Variants in SLC25A16 observed in about 807,000 individuals in gnomAD.
The protein encoded by SLC25A16 is solute carrier family 25 member 16, also known as mitochondrial coenzyme A transporter SLC25A16.
A neutral mutation model predicts 41.5 loss-of-function variants in SLC25A16; 39 were observed. The ratio of observed to expected loss-of-function variants is 0.94; its 90% CI spans 0.73 to 1.23. The LOEUF is 1.23. Among genes scored for constraint, SLC25A16 ranks in the 50% most tolerant of loss-of-function variants. The pLI is 0.00. For missense variants in SLC25A16, 421 were observed against 426.9 expected, an observed-to-expected ratio of 0.99 and a Z score of 0.12; for synonymous variants, 146 against 147.8, an observed-to-expected ratio of 0.99 and a Z score of 0.09.
chr10:68,497,159 T>C (rs966845363), intron 4 of SLC25A16, among the ~76,000 whole-genome samples: 1 of 152,196 alleles, frequency 6.6e-6, no homozygotes, highest in Non-Finnish European at 1.5e-5. Context: ...AAAGACAGCT[T>C]CTCACCACCC....
intron 1 of SLC25A16, among the ~76,000 whole-genome samples, chr10:68,524,280 A>C (rs2133607369): frequency 7.8e-6 from 1 of 127,892 alleles, no homozygotes; most frequent in South Asian, 2.6e-4. Context: ...ACGCCACTGC[A>C]CTCCAGCCTG....
chr10:68,510,318 G>C (rs141426399), intron 2 of SLC25A16, among the ~76,000 whole-genome samples: 2,985 of 151,430 alleles, frequency 0.02, 90 homozygotes, highest in African/African-American at 0.069. Flanking sequence ...GATCACCTGA[G>C]GTCAGGAGTT....
intron 6 of SLC25A16, among the ~76,000 whole-genome samples, chr10:68,491,128 C>A (rs188969605): frequency 5.8e-4 from 88 of 152,292 alleles, no homozygotes; most frequent in Non-Finnish European, 9.9e-4. Flanking sequence ...ATCCTCCTGC[C>A]TCAGCCTCCC....
In SLC25A16 at chr10:68,482,506, A is replaced by G. The variant is rs1401380927; in HGVS notation, c.*926T>C. The G allele has an allele frequency of 6.6e-6, 1 of 152,620 alleles. No individual in the cohort carries two copies. The highest frequency in any genetic ancestry group is 2.4e-5 in the African/African-American group (1 of 41,446). The allele number at this position is 152,620 out of a possible 1,614,324, so 9.5% of individuals were successfully genotyped here. A position where few individuals can be genotyped will look rare whatever the true frequency, so the allele number is the denominator to read the frequency against. ...AACATTTTTTGATATTCACATCTAT[A>G]TTAATAAATATTTCACAGTCTACTT... is the stretch of plus-strand genomic sequence containing the variant. On this transcript the variant is annotated 3_prime_UTR_variant, in exon 9 of 9. Transcript: ENST00000609923.
intron 3 of SLC25A16, among the ~76,000 whole-genome samples, chr10:68,504,829 C>T (rs957967580): frequency 6.6e-6 from 1 of 152,048 alleles, no homozygotes; most frequent in Non-Finnish European, 1.5e-5. Flanking sequence ...TATAGGCATG[C>T]GCCACCACAT....
intron 1 of SLC25A16, among the ~76,000 whole-genome samples, chr10:68,523,112 C>A (rs770322579): frequency 6.6e-6 from 1 of 152,174 alleles, no homozygotes; most frequent in Non-Finnish European, 1.5e-5. Context: ...CCCCCTTTCA[C>A]GGAATCTGGC....
chr10:68,496,028 A>G (rs534951959), intron 4 of SLC25A16, among the ~76,000 whole-genome samples: 1 of 152,234 alleles, frequency 6.6e-6, no homozygotes, highest in Non-Finnish European at 1.5e-5. Flanking sequence ...AAGGTTATAT[A>G]TGTGTTAGCT....
At position 68,480,907 on chromosome 10, in the gene SLC25A16, T is replaced by G. The variant is rs916057507; in HGVS notation, c.*2525A>C. The G allele has an allele frequency of 7.0e-6, 1 of 142,924 alleles. No homozygotes were observed. The highest frequency in any genetic ancestry group is 2.8e-5 in the African/African-American group (1 of 36,164). 8.9% of individuals were successfully genotyped at this position (142,924 alleles called of 1,614,324 possible). On this transcript the variant is annotated 3_prime_UTR_variant, in exon 9 of 9. Coordinates refer to ENST00000609923, the MANE Select transcript of SLC25A16 (RefSeq NM_152707.4). ...TGGTTTTAAGAACACATGTATTTCT[T>G]TTTTTTTTCTTTTATACAGTCTCTG...
chr10:68,515,151 G>GT (rs1024345563), intron 2 of SLC25A16, among the ~76,000 whole-genome samples: 1 of 150,482 alleles, frequency 6.6e-6, no homozygotes, highest in African/African-American at 2.4e-5. Flanking sequence ...GAGGTCGGGA[G>GT]TTCGAGATCA....
Position 68,485,715 on chromosome 10 carries a change from C to T in SLC25A16, c.842+1429G>A, listed in dbSNP as rs185579827. Reference sequence around the variant, plus strand: ...TTTTTTTCAGAGTCTCACTCTGTCACCTAGGCTGGAGTACAGTGGCGCCAT... The same window carrying T: ...TTTTTTTCAGAGTCTCACTCTGTCATCTAGGCTGGAGTACAGTGGCGCCAT... On this transcript the variant is annotated intron_variant, in intron 8 of 8. Coordinates refer to ENST00000609923, the MANE Select transcript of SLC25A16 (RefSeq NM_152707.4). 3.9e-3 allele frequency among the ~76,000 whole-genome samples: 588 copies of T among 151,854 alleles called. 8 individuals carry two copies. The highest frequency in any genetic ancestry group is 0.014 in the African/African-American group (567 of 41,448).
At chr10:68,488,749 G>T in intron 6 of SLC25A16, 120 bp from the exon 7 acceptor site, 2 of 810,978 alleles carry the variant, frequency 2.5e-6, no homozygotes, top group Non-Finnish European at 3.8e-6. Context: ...ATTTAAAATA[G>T]AAAGATTTGT....
intron 7 of SLC25A16, 33 bp from the exon 8 acceptor site, chr10:68,487,245 ATT>A: frequency 6.3e-7 from 1 of 1,596,120 alleles, no homozygotes. Flanking sequence ...AGAATTAAAA[ATT>A]TTTGGTTTTC....
chr10:68,499,902 A>G, intron 4 of SLC25A16: 1 of 584,230 alleles, frequency 1.7e-6, no homozygotes, highest in East Asian at 4.0e-5. Flanking sequence ...AGAAAGCCAA[A>G]TCTCGCCAAG....
intron 2 of SLC25A16, among the ~76,000 whole-genome samples, chr10:68,512,259 T>C (rs1447364179): frequency 6.6e-6 from 1 of 151,828 alleles, no homozygotes; most frequent in Non-Finnish European, 1.5e-5. Context: ...AGACCTTGTC[T>C]CTCCAAATAT....
chr10:68,487,606 G>T (rs1387619123), intron 7 of SLC25A16, among the ~76,000 whole-genome samples: 1 of 152,184 alleles, frequency 6.6e-6, no homozygotes, highest in African/African-American at 2.4e-5. Flanking sequence ...GTGCACTAGA[G>T]ATGTTTAAGC....
chr10:68,486,479 C>T (rs936812931), intron 8 of SLC25A16, among the ~76,000 whole-genome samples: 3 of 151,386 alleles, frequency 2.0e-5, no homozygotes, highest in African/African-American at 7.3e-5. Context: ...CAAATTGGCT[C>T]ACTGCAACCT....
At chr10:68,514,373 A>G (rs2133580492) in intron 2 of SLC25A16, among the ~76,000 whole-genome samples, 1 of 151,916 alleles carries the variant, frequency 6.6e-6, no homozygotes, top group Admixed American at 6.6e-5. Flanking sequence ...GTGCACGCCT[A>G]TAGTCCCAGC....
chr10:68,485,623 T>C (rs938295078), intron 8 of SLC25A16, among the ~76,000 whole-genome samples: 3 of 151,576 alleles, frequency 2.0e-5, no homozygotes, highest in African/African-American at 7.3e-5. Context: ...GACCTCATGA[T>C]CCACCCACCT....
At chr10:68,509,756 T>TATAGATATAG (rs1554919983) in intron 2 of SLC25A16, among the ~76,000 whole-genome samples, 120 of 148,152 alleles carry the variant, frequency 8.1e-4, no homozygotes, top group African/African-American at 2.8e-3. Context: ...TATATATAGA[T>TATAGATATAG]ATATAGATAT....
Sources: gnomAD v4.1 joint callset for allele counts (sites outside exome capture counted in the v4.1 genomes callset) on GRCh38, gnomAD v4.1.1 for gene constraint, MANE v1.5 for transcripts, NCBI Gene and HGNC (gene_info 2026-07-23, HGNC 2026-07-21) for gene names.